ULBP1: variants seen among roughly 807,000 people sequenced by gnomAD.
ULBP1 encodes UL16 binding protein 1, also known as UL16-binding protein 1.
Under a neutral mutation model 25.3 loss-of-function variants are expected in ULBP1, and 28 were observed. The observed-to-expected ratio is 1.10, with a 90% CI of 0.82 to 1.51. The LOEUF (loss-of-function observed/expected upper bound fraction) is 1.51, where lower values mean the gene tolerates loss of function less well. Ranked by LOEUF, ULBP1 falls within the 40% of genes most tolerant of loss-of-function variation. The probability of loss-of-function intolerance (pLI) is 0.00; values close to 1 mark genes in which losing one functional copy is unlikely to be tolerated. For missense variants in ULBP1, 348 were observed against 290.9 expected, an observed-to-expected ratio of 1.20 and a Z score of -1.43; for synonymous variants, 129 against 103.0, an observed-to-expected ratio of 1.25 and a Z score of -1.53.
Position 149,970,090 on chromosome 6 carries a change from A to C in ULBP1, c.700A>C (p.Ile234Leu), listed in dbSNP as rs767837311. Residue 234 changes from isoleucine to leucine, a missense_variant, in exon 4 of 5, where the codon ATC becomes CTC. By Grantham distance (5) the Ile-to-Leu change is conservative (BLOSUM62 2). Transcript: ENST00000229708. ...CACCCTCAGTCCCTGGAGCCTTCTC[A>C]TCATCTTCCTCTGCTTCATTCTAGC... ...ATTLSPWSLL[I>L]IFLCFILAGR The C allele has an allele frequency of 6.2e-7, 1 of 1,612,846 alleles. No individual in the cohort carries two copies. The highest frequency in any genetic ancestry group is 1.7e-5 in the Admixed American group (1 of 59,858).
At chr6:149,970,201 G>A in intron 4 of ULBP1, 54 bp downstream of exon 4, 2 of 1,523,472 alleles carry the variant, frequency 1.3e-6, no homozygotes, top group East Asian at 4.9e-5. Context: ...GAGATGGGAG[G>A]ATGTGGAAGG....
chr6:149,973,372 A>C lies in ULBP1; in HGVS notation c.*2026A>C, dbSNP rs1779353182. The C allele has an allele frequency of 6.6e-6, 1 of 152,216 alleles. No homozygotes were observed. The highest frequency in any genetic ancestry group is 1.5e-5 in the Non-Finnish European group (1 of 68,040). 9.4% of individuals were successfully genotyped at this position (152,216 alleles called of 1,614,324 possible). A position where few individuals can be genotyped will look rare whatever the true frequency, so the allele number is the denominator to read the frequency against. The stretch of plus-strand genomic sequence containing the variant: ...AACACACCTGTTGGGTATCATGCTT[A>C]CTGTCTGGGCGATGGGATCATTGGG... On this transcript the variant is annotated 3_prime_UTR_variant, in exon 5 of 5. Transcript: ENST00000229708.
At position 149,968,873 on chromosome 6, in the gene ULBP1, A is replaced by T; in HGVS notation, c.349+3A>T. 1.2e-6 allele frequency: 2 copies of T among 1,613,202 alleles called. No homozygotes were observed. The highest frequency in any genetic ancestry group is 1.7e-6 in the Non-Finnish European group (2 of 1,179,490). On this transcript the variant is annotated splice_donor_region_variant and intron_variant, in intron 2 of 4. Coordinates refer to ENST00000229708, the MANE Select transcript of ULBP1 (RefSeq NM_025218.4). The stretch of plus-strand genomic sequence containing the variant: ...AGTGGAGAATTTAATACCCATTGGT[A>T]AGTTTAAAATGGCCCAGGGAGCAGA...
rs544321533 is a variant in ULBP1, at chr6:149,971,158, G to C, written c.*23-211G>C. On this transcript the variant is annotated intron_variant, in intron 4 of 4. Coordinates refer to ENST00000229708, the MANE Select transcript of ULBP1 (RefSeq NM_025218.4). ...CAGCCTCAGTTGTGAGCCCCCCTGG[G>C]CTGTAACAGGACCTGGGCTGGCTCT... 6.0e-4 allele frequency among the ~76,000 whole-genome samples: 91 copies of C among 152,296 alleles called. 1 individual carries two copies. Among genetic ancestry groups the C allele is most frequent in the Middle Eastern group, 6.8e-3 (2 of 294 alleles).
intron 1 of ULBP1, among the ~76,000 whole-genome samples, chr6:149,964,602 TC>T (rs1222516075): frequency 7.2e-6 from 1 of 137,964 alleles, no homozygotes; most frequent in African/African-American, 2.8e-5. Context: ...AATCGCGATC[TC>T]CCCGAACATT....
In ULBP1 at chr6:149,971,772, A is replaced by G. The variant is rs1255389017; in HGVS notation, c.*426A>G. 1 of 152,208 alleles carries G rather than the reference A, an allele frequency of 6.6e-6. No individual in the cohort carries two copies. The highest frequency in any genetic ancestry group is 1.5e-5 in the Non-Finnish European group (1 of 68,034). The allele number at this position is 152,208 out of a possible 1,614,324, so 9.4% of individuals were successfully genotyped here. A position where few individuals can be genotyped will look rare whatever the true frequency, so the allele number is the denominator to read the frequency against. On this transcript the variant is annotated 3_prime_UTR_variant, in exon 5 of 5. Transcript: ENST00000229708. ...CTAGTAAAATAGCATGCTGGACTTCAGACCTCAGGGATCCTTTTGATGCAC... is the reference window on the plus strand; with the variant it reads ...CTAGTAAAATAGCATGCTGGACTTCGGACCTCAGGGATCCTTTTGATGCAC...
At position 149,973,199 on chromosome 6, in the gene ULBP1, C is replaced by T. The variant is rs929471734; in HGVS notation, c.*1853C>T. 2 of 152,184 alleles carry T rather than the reference C, an allele frequency of 1.3e-5. No individual in the cohort carries two copies. Among genetic ancestry groups the T allele is most frequent in the Non-Finnish European group, 2.9e-5 (2 of 68,034 alleles). 9.4% of individuals were successfully genotyped at this position (152,184 alleles called of 1,614,324 possible). A position where few individuals can be genotyped will look rare whatever the true frequency, so the allele number is the denominator to read the frequency against. On this transcript the variant is annotated 3_prime_UTR_variant, in exon 5 of 5. Transcript: ENST00000229708. ...TCAGCAACATGGATGCAACTAGAGG[C>T]TATTATCCTAAGCAACCTAATGCAA...
In ULBP1 at chr6:149,969,374, G is replaced by A. The variant is rs1779267476; in HGVS notation, c.625+14G>A. ...TGGATCCAACAAGTAAGTGAGAGGG[G>A]GATAAATGGAAGCTGTCTCGAGTTC... On this transcript the variant is annotated intron_variant, in intron 3 of 4. Transcript: ENST00000229708. 3 of 1,609,656 alleles carry A rather than the reference G, an allele frequency of 1.9e-6. No individual in the cohort carries two copies. Among genetic ancestry groups the A allele is most frequent in the South Asian group, 2.2e-5 (2 of 90,630 alleles).
chr6:149,968,010 C>T (rs1779234220), intron 1 of ULBP1, among the ~76,000 whole-genome samples: 1 of 152,186 alleles, frequency 6.6e-6, no homozygotes, highest in African/African-American at 2.4e-5. Flanking sequence ...TTGATTCTTT[C>T]CCTTACACCC....
At position 149,969,075 on chromosome 6, in the gene ULBP1, A is replaced by T; in HGVS notation, c.350-10A>T. 1 of 1,613,444 alleles carries T rather than the reference A, an allele frequency of 6.2e-7. No homozygotes were observed. Among genetic ancestry groups the T allele is most frequent in the Non-Finnish European group, 8.5e-7 (1 of 1,179,566 alleles). On this transcript the variant is annotated splice_polypyrimidine_tract_variant and intron_variant, in intron 2 of 4. Transcript: ENST00000229708. ...TCAAGATCAGAGCTGATCTCTTTGC[A>T]ATGGGGCAGAGCCCCTCACCCTGCA...
chr6:149,968,709 A>T lies in ULBP1; in HGVS notation c.188A>T (p.His63Leu). 1 of 1,614,206 alleles carries T rather than the reference A, an allele frequency of 6.2e-7. No individual in the cohort carries two copies. Among genetic ancestry groups the T allele is most frequent in the South Asian group, 1.1e-5 (1 of 91,086 alleles). Residue 63 changes from histidine to leucine, a missense_variant, in exon 2 of 5, where the codon CAC becomes CTC. By Grantham distance (99) the His-to-Leu change is moderately conservative (BLOSUM62 -3). Coordinates refer to ENST00000229708, the MANE Select transcript of ULBP1 (RefSeq NM_025218.4). ...CTGGTGGATGAAAGGCCTTTTCTTC[A>T]CTATGACTGTGTTAACCACAAGGCC... ...QGLVDERPFL[H>L]YDCVNHKAKA...
intron 1 of ULBP1, among the ~76,000 whole-genome samples, chr6:149,964,484 C>A (rs918157020): frequency 6.8e-5 from 10 of 146,418 alleles, no homozygotes; most frequent in Non-Finnish European, 1.2e-4. Flanking sequence ...CTGGAAGGAC[C>A]GGTGCTGTCT....
intron 4 of ULBP1, 131 bp from the exon 5 acceptor site, chr6:149,971,238 G>A: frequency 1.6e-6 from 1 of 606,600 alleles, no homozygotes. Context: ...CAGGGGTAGT[G>A]TTGGAGGGAA....
At chr6:149,965,046 C>G (rs1779177445) in intron 1 of ULBP1, among the ~76,000 whole-genome samples, 2 of 151,156 alleles carry the variant, frequency 1.3e-5, no homozygotes, top group Non-Finnish European at 3.0e-5. Context: ...CTGCTTGCCC[C>G]ATAGGCCAGG....
chr6:149,964,792 C>T (rs577674428), intron 1 of ULBP1, among the ~76,000 whole-genome samples: 22 of 140,916 alleles, frequency 1.6e-4, no homozygotes, highest in African/African-American at 5.8e-4. Flanking sequence ...CCCAACATCG[C>T]GATCCCTCCG....
At chr6:149,969,044 G>C in intron 2 of ULBP1, 41 bp from the exon 3 acceptor site, 1 of 1,601,768 alleles carries the variant, frequency 6.2e-7, no homozygotes, top group Non-Finnish European at 8.5e-7. Context: ...TGGGGCTCAG[G>C]CTTTGTCAAG....
rs574886341 is a variant in ULBP1 at position 149,971,525 on chromosome 6, C to T, written c.*179C>T. The T allele has an allele frequency of 4.4e-4, 175 of 399,718 alleles. No homozygotes were observed. Among genetic ancestry groups the T allele is most frequent in the South Asian group, 1.2e-3 (11 of 9,414 alleles). The allele number at this position is 399,718 out of a possible 1,614,324, so 24.8% of individuals were successfully genotyped here. ...CCCCAGCAGACGATGAGGACATTGT[C>T]GGCTCAACATCTCAGGCCACTCATT... On this transcript the variant is annotated 3_prime_UTR_variant, in exon 5 of 5. Coordinates refer to ENST00000229708, the MANE Select transcript of ULBP1 (RefSeq NM_025218.4).
chr6:149,970,552 T>TGA (rs1779296548), intron 4 of ULBP1, among the ~76,000 whole-genome samples: 2 of 152,196 alleles, frequency 1.3e-5, no homozygotes, highest in Non-Finnish European at 2.9e-5. Context: ...GGGGTGTCCC[T>TGA]GGAGGAGGCT....
At chr6:149,964,708 C>A (rs909456857) in intron 1 of ULBP1, among the ~76,000 whole-genome samples, 1 of 147,386 alleles carries the variant, frequency 6.8e-6, no homozygotes, top group Non-Finnish European at 1.5e-5. Flanking sequence ...CTGATTCCTG[C>A]GGCTGCTGCT....
Sources: gnomAD v4.1 joint callset for allele counts (sites outside exome capture counted in the v4.1 genomes callset) on GRCh38, gnomAD v4.1.1 for gene constraint, MANE v1.5 for transcripts, NCBI Gene and HGNC (gene_info 2026-07-23, HGNC 2026-07-21) for gene names.